The following SPTLC3 variants were observed in gnomAD, a reference collection of about 807,000 sequenced individuals.
The protein encoded by SPTLC3 is serine palmitoyltransferase long chain base subunit 3.
A neutral mutation model predicts 59.3 loss-of-function variants in SPTLC3; 36 were observed. That is an observed-to-expected ratio of 0.61 (90% CI 0.47 to 0.80). The LOEUF (loss-of-function observed/expected upper bound fraction) is 0.80. SPTLC3 is among the 30% of genes least tolerant of loss of function. SPTLC3 has a pLI of 0.00. For synonymous variants in SPTLC3, 257 were observed against 240.8 expected, an observed-to-expected ratio of 1.07 and a Z score of -0.62; for missense variants, 625 against 685.1, an observed-to-expected ratio of 0.91 and a Z score of 0.98.
chr20:13,068,957 T>A (rs1209050239), intron 2 of SPTLC3, among the ~76,000 whole-genome samples: 4 of 152,102 alleles, frequency 2.6e-5, no homozygotes, highest in Non-Finnish European at 5.9e-5. Flanking sequence ...TCTACATAGG[T>A]ACAAATTCTG....
At chr20:13,018,074 A>G (rs1044028697) in intron 1 of SPTLC3, among the ~76,000 whole-genome samples, 10 of 152,166 alleles carry the variant, frequency 6.6e-5, no homozygotes, top group African/African-American at 2.4e-4. Context: ...TTGGAAGTGA[A>G]TCCTCCAGCC....
intron 2 of SPTLC3, among the ~76,000 whole-genome samples, chr20:13,066,000 T>A (rs1016657210): frequency 6.6e-6 from 1 of 152,254 alleles, no homozygotes; most frequent in Non-Finnish European, 1.5e-5. Flanking sequence ...TGCTGTACAT[T>A]AGGTCTCCAC....
intron 6 of SPTLC3, among the ~76,000 whole-genome samples, chr20:13,102,018 A>C (rs1258854887): frequency 6.6e-6 from 1 of 152,212 alleles, no homozygotes; most frequent in African/African-American, 2.4e-5. Context: ...GTAGTTTAAA[A>C]GAAAAAGTGG....
At chr20:13,091,057 C>T in intron 4 of SPTLC3, 26 bp from the exon 5 acceptor site, 1 of 1,611,618 alleles carries the variant, frequency 6.2e-7, no homozygotes, top group East Asian at 2.2e-5. Flanking sequence ...AGAGAAGGCT[C>T]ACTTCTCATG....
chr20:13,015,492 A>T (rs931884758), intron 1 of SPTLC3, among the ~76,000 whole-genome samples: 6 of 152,198 alleles, frequency 3.9e-5, no homozygotes, highest in African/African-American at 1.4e-4. Flanking sequence ...GAGGGACATG[A>T]AAGGAAACTG....
intron 4 of SPTLC3, among the ~76,000 whole-genome samples, chr20:13,087,683 C>A (rs528765397): frequency 6.6e-6 from 1 of 152,212 alleles, no homozygotes; most frequent in Non-Finnish European, 1.5e-5. Flanking sequence ...ATGTCTGACA[C>A]TATGGCCATC....
At chr20:13,053,038 C>T (rs1432432482) in intron 2 of SPTLC3, among the ~76,000 whole-genome samples, 2 of 152,186 alleles carry the variant, frequency 1.3e-5, no homozygotes, top group East Asian at 1.9e-4. Context: ...AGCACTCGAG[C>T]TCTGCTAAAG....
chr20:13,074,056 A>G (rs1600253531), intron 3 of SPTLC3: 1 of 645,134 alleles, frequency 1.6e-6, no homozygotes. Context: ...TCCAAGTTGG[A>G]GGCCTGCTGT....
chr20:13,153,712 A>G (rs1285882334), intron 9 of SPTLC3, among the ~76,000 whole-genome samples: 1 of 152,152 alleles, frequency 6.6e-6, no homozygotes, highest in Non-Finnish European at 1.5e-5. Context: ...GAGTCTATAC[A>G]AAATAGATAC....
chr20:13,010,141 G>A (rs551635474), intron 1 of SPTLC3, among the ~76,000 whole-genome samples: 100 of 151,992 alleles, frequency 6.6e-4, no homozygotes, highest in African/African-American at 2.3e-3. Flanking sequence ...AGAGAGCCTG[G>A]GTCTGTGAGG....
intron 1 of SPTLC3, among the ~76,000 whole-genome samples, chr20:13,045,767 C>G (rs1232768689): frequency 6.6e-6 from 1 of 152,082 alleles, no homozygotes; most frequent in Non-Finnish European, 1.5e-5. Context: ...TAAATAGTTA[C>G]ATATAGGCCC....
intron 8 of SPTLC3, among the ~76,000 whole-genome samples, chr20:13,121,142 T>C (rs1401886504): frequency 3.3e-5 from 5 of 152,158 alleles, no homozygotes; most frequent in Non-Finnish European, 7.4e-5. Flanking sequence ...CAGGCAAGGA[T>C]CTTGAGTCCA....
rs1177659585 is a variant in SPTLC3, at chr20:13,167,027, T to C, written c.*2160T>C. ...AAAAGGACCTGTTTCTGTTAGAGAG[T>C]CCATGTTGAATATACAGGTATGAGA... On this transcript the variant is annotated 3_prime_UTR_variant, in exon 12 of 12. Coordinates refer to ENST00000399002, the MANE Select transcript of SPTLC3 (RefSeq NM_018327.4). 6.6e-6 allele frequency: 1 copy of C among 152,090 alleles called. No homozygotes were observed. Among genetic ancestry groups the C allele is most frequent in the African/African-American group, 2.4e-5 (1 of 41,424 alleles). The allele number at this position is 152,090 out of a possible 1,614,324, so 9.4% of individuals were successfully genotyped here. A position where few individuals can be genotyped will look rare whatever the true frequency, so the allele number is the denominator to read the frequency against.
chr20:13,135,939 T>G (rs1048215877), intron 9 of SPTLC3, among the ~76,000 whole-genome samples: 2 of 152,230 alleles, frequency 1.3e-5, no homozygotes, highest in African/African-American at 4.8e-5. Context: ...CGTGATTCAT[T>G]TATAATCAAG....
rs1600279422 is a variant in SPTLC3 at position 13,102,201 on chromosome 20, A to C, written c.827-7911A>C. 2.0e-5 allele frequency among the ~76,000 whole-genome samples: 3 copies of C among 152,262 alleles called. No individual in the cohort carries two copies. In the South Asian group the frequency reaches 6.2e-4, roughly 32 times the overall value. ...GGCTTAGACTACTTTGCAAGCCATG[A>C]TCTTTTATATTTCAATGTCCAACTT... On this transcript the variant is annotated intron_variant, in intron 6 of 11. Coordinates refer to ENST00000399002, the MANE Select transcript of SPTLC3 (RefSeq NM_018327.4).
intron 10 of SPTLC3, among the ~76,000 whole-genome samples, chr20:13,158,720 C>G (rs1568633371): frequency 6.6e-6 from 1 of 152,164 alleles, no homozygotes; most frequent in Admixed American, 6.5e-5. Context: ...TTGCCTCGCC[C>G]AAGCCAGGGA....
At chr20:13,118,388 T>C (rs894846407) in intron 8 of SPTLC3, among the ~76,000 whole-genome samples, 16 of 142,446 alleles carry the variant, frequency 1.1e-4, no homozygotes, top group African/African-American at 4.1e-4. Context: ...CTGCTGGGAT[T>C]AGACTGTTAA....
At chr20:13,149,887 C>T (rs2038604530) in intron 9 of SPTLC3, among the ~76,000 whole-genome samples, 2 of 152,158 alleles carry the variant, frequency 1.3e-5, no homozygotes, top group African/African-American at 2.4e-5. Context: ...AAGATAATGC[C>T]GTTGGGAAAA....
intron 4 of SPTLC3, among the ~76,000 whole-genome samples, chr20:13,080,395 C>A (rs554967359): frequency 1.3e-5 from 2 of 151,554 alleles, no homozygotes; most frequent in South Asian, 4.2e-4. Context: ...GTACTCCCTG[C>A]TACTTGGGAG....
Sources: allele counts gnomAD v4.1 joint callset (sites outside exome capture counted in the v4.1 genomes callset), GRCh38; gene constraint gnomAD v4.1.1; transcripts MANE v1.5; gene names NCBI Gene and HGNC (gene_info 2026-07-23, HGNC 2026-07-21).